P3H2: variants seen among roughly 807,000 people sequenced by gnomAD.
P3H2 encodes leprecan-like 1.
In P3H2, 80 loss-of-function variants were observed where a neutral mutation model predicts 87.0. That is an observed-to-expected ratio of 0.92 (90% CI 0.77 to 1.11). The LOEUF is 1.11. Among genes scored for constraint, P3H2 ranks in the 50% least tolerant of loss-of-function variants. The pLI, the probability that P3H2 is intolerant of heterozygous loss-of-function variation, is 0.00. For missense variants in P3H2, 1,001 were observed against 923.9 expected, an observed-to-expected ratio of 1.08 and a Z score of -1.08; for synonymous variants, 367 against 359.3, an observed-to-expected ratio of 1.02 and a Z score of -0.24.
chr3:190,017,352 C>T (rs143033568), intron 1 of P3H2, among the ~76,000 whole-genome samples: 2 of 152,258 alleles, frequency 1.3e-5, no homozygotes, highest in East Asian at 3.9e-4. Context: ...AATACTGTTG[C>T]TTCCCCAGTT....
At chr3:189,961,811 T>G (rs558346052) in intron 14 of P3H2, among the ~76,000 whole-genome samples, 1 of 152,214 alleles carries the variant, frequency 6.6e-6, no homozygotes, top group Non-Finnish European at 1.5e-5. Flanking sequence ...ATGTTTCCTA[T>G]TACAAAGGAG....
rs1166799291 is a variant in P3H2 at position 189,966,132 on chromosome 3, AAAGAAAGAAAGAAAGAAAG to A, written c.1894-2053_1894-2035del. Reference sequence around the variant, plus strand: ...AAGAAAGAAAGAAAGAAAAAGAAAGAAAGAAAGAAAGAAAGAAAGAAAGAAAGAAAGAAAGAAAGAAAGA... The same window carrying A: ...AAGAAAGAAAGAAAGAAAAAGAAAGAAAAGAAAGAAAGAAAGAAAGAAAGA... On this transcript the variant is annotated intron_variant, in intron 13 of 14. Transcript: ENST00000319332. 1.0e-4 allele frequency among the ~76,000 whole-genome samples: 5 copies of A among 49,358 alleles called. No individual in the cohort carries two copies. The East Asian group carries it at 2.6e-3, about 25-fold the overall frequency. The allele number at this position is 49,358 out of a possible 152,430, so 32.4% of individuals were successfully genotyped here.
chr3:189,990,941 G>T (rs1437008403), intron 3 of P3H2, among the ~76,000 whole-genome samples: 1 of 152,128 alleles, frequency 6.6e-6, no homozygotes, highest in Non-Finnish European at 1.5e-5. Context: ...GTGGGAAATC[G>T]TCGGTCCATT....
At chr3:190,061,193 G>T (rs997088111) in intron 1 of P3H2, among the ~76,000 whole-genome samples, 11 of 151,994 alleles carry the variant, frequency 7.2e-5, no homozygotes, top group African/African-American at 2.7e-4. Flanking sequence ...CTCCTTACTT[G>T]CCCCACAAGT....
intron 8 of P3H2, among the ~76,000 whole-genome samples, chr3:189,975,557 G>A (rs1487122979): frequency 6.6e-6 from 1 of 152,160 alleles, no homozygotes; most frequent in Non-Finnish European, 1.5e-5. Flanking sequence ...ACACTCCCAA[G>A]GGGCCTGGTG....
At chr3:190,082,446 T>C (rs1020736706) in intron 1 of P3H2, among the ~76,000 whole-genome samples, 4 of 152,168 alleles carry the variant, frequency 2.6e-5, no homozygotes, top group African/African-American at 9.7e-5. Flanking sequence ...TGATATATCA[T>C]AGTTGTACAT....
chr3:189,966,131 G>GAAAGAAAT (rs1560339061), intron 13 of P3H2, among the ~76,000 whole-genome samples: 1 of 51,320 alleles, frequency 1.9e-5, no homozygotes, highest in Non-Finnish European at 4.4e-5. Context: ...GAAAAAGAAA[G>GAAAGAAAT]AAAGAAAGAA....
chr3:189,989,233 T>G (rs1184664900), intron 3 of P3H2, among the ~76,000 whole-genome samples, 195 bp from the exon 4 acceptor site: 1 of 152,206 alleles, frequency 6.6e-6, no homozygotes, highest in Non-Finnish European at 1.5e-5. Flanking sequence ...TGGTCAGCGA[T>G]CACTAGAACG....
intron 6 of P3H2, among the ~76,000 whole-genome samples, chr3:189,985,211 A>G (rs908296964): frequency 7.9e-5 from 12 of 152,032 alleles, no homozygotes; most frequent in Non-Finnish European, 1.5e-4. Flanking sequence ...ATTAACTTGT[A>G]TATCATTTGA....
At chr3:190,047,415 A>G (rs1624011) in intron 1 of P3H2, among the ~76,000 whole-genome samples, 124,044 of 151,822 alleles carry the variant, frequency 0.82, 50,859 homozygotes, top group East Asian at 0.88. Context: ...CTAGTGTATT[A>G]AAGAGGTATC....
chr3:189,984,089 TA>T (rs918115423), intron 7 of P3H2, among the ~76,000 whole-genome samples: 7 of 151,324 alleles, frequency 4.6e-5, no homozygotes, highest in South Asian at 2.1e-4. Flanking sequence ...TAATAAAATT[TA>T]AAAAAAAATG....
intron 1 of P3H2, among the ~76,000 whole-genome samples, chr3:190,057,090 A>G (rs1251369969): frequency 1.1e-4 from 17 of 152,196 alleles, no homozygotes; most frequent in Admixed American, 1.1e-3. Context: ...GAATGACTTG[A>G]AAAGGGGATG....
Position 190,055,189 on chromosome 3 carries a change from T to C in P3H2, c.481-59747A>G, listed in dbSNP as rs572160658. On this transcript the variant is annotated intron_variant, in intron 1 of 14. Coordinates refer to ENST00000319332, the MANE Select transcript of P3H2 (RefSeq NM_018192.4). ...GTTGTCCACAAACAACTTTTAATAG[T>C]GCATCTTACAATCGGGAATAACTAC... Among the ~76,000 whole-genome samples, 16 of 152,298 alleles carry C rather than the reference T, an allele frequency of 1.1e-4. No homozygotes were observed. The South Asian group carries it at 2.5e-3, about 24-fold the overall frequency.
chr3:190,010,929 C>T (rs949369962), intron 1 of P3H2, among the ~76,000 whole-genome samples: 20 of 152,140 alleles, frequency 1.3e-4, no homozygotes, highest in Admixed American at 4.6e-4. Context: ...AACTTTTAAT[C>T]CAGTGTTCTT....
chr3:189,970,307 TATA>T (rs1723140107), intron 13 of P3H2, among the ~76,000 whole-genome samples: 1 of 143,486 alleles, frequency 7.0e-6, no homozygotes, highest in Non-Finnish European at 1.5e-5. Context: ...TTTTTATATA[TATA>T]ATATATATAC....
At chr3:190,016,540 G>A (rs1724759986) in intron 1 of P3H2, among the ~76,000 whole-genome samples, 2 of 152,050 alleles carry the variant, frequency 1.3e-5, no homozygotes, top group Admixed American at 1.3e-4. Context: ...CACTGCACCC[G>A]GCCTGCTTAT....
At chr3:190,093,908 T>C (rs1396970648) in intron 1 of P3H2, among the ~76,000 whole-genome samples, 1 of 152,240 alleles carries the variant, frequency 6.6e-6, no homozygotes, top group Non-Finnish European at 1.5e-5. Context: ...TGAAAAATTC[T>C]CATGAAGTCA....
chr3:189,991,606 C>CT (rs1476792189), intron 3 of P3H2, among the ~76,000 whole-genome samples: 1 of 152,136 alleles, frequency 6.6e-6, no homozygotes, highest in Non-Finnish European at 1.5e-5. Context: ...CAGGACAAGG[C>CT]TTTAGCCGAG....
In P3H2 at chr3:190,117,269, T is replaced by C. The variant is rs78300169; in HGVS notation, c.480+2983A>G. Among the ~76,000 whole-genome samples, 1,377 of 152,344 alleles carry C rather than the reference T, an allele frequency of 9.0e-3. 10 individuals are homozygous for C. Among genetic ancestry groups the C allele is most frequent in the East Asian group, 0.025 (129 of 5,190 alleles). On this transcript the variant is annotated intron_variant, in intron 1 of 14. Coordinates refer to ENST00000319332, the MANE Select transcript of P3H2 (RefSeq NM_018192.4). Reference sequence around the variant, plus strand: ...TGAACTCATTGGGTCTCAGATTTCATGATTTTTCATCCTTCTTCCCCTCCA... The same window carrying C: ...TGAACTCATTGGGTCTCAGATTTCACGATTTTTCATCCTTCTTCCCCTCCA...
Sources: allele counts gnomAD v4.1 joint callset (sites outside exome capture counted in the v4.1 genomes callset), GRCh38; gene constraint gnomAD v4.1.1; transcripts MANE v1.5; gene names NCBI Gene and HGNC (gene_info 2026-07-23, HGNC 2026-07-21).